Variants in SAMD3 observed in about 807,000 individuals in gnomAD.
The protein encoded by SAMD3 is sterile alpha motif domain containing 3.
In SAMD3, 63 loss-of-function variants were observed where a neutral mutation model predicts 58.5. The observed-to-expected ratio is 1.08, with a 90% CI of 0.88 to 1.33. The LOEUF (loss-of-function observed/expected upper bound fraction) is 1.33. Among genes scored for constraint, SAMD3 ranks in the 40% most tolerant of loss-of-function variants. The probability of loss-of-function intolerance (pLI) is 0.00; values close to 1 mark genes in which losing one functional copy is unlikely to be tolerated. For missense variants in SAMD3, 604 were observed against 608.4 expected (o/e 0.99, Z 0.08); for synonymous variants, 220 against 210.3 (o/e 1.05, Z -0.40).
chr6:130,201,484 CA>C (rs1794650165), intron 5 of SAMD3, among the ~76,000 whole-genome samples: 1 of 152,154 alleles, frequency 6.6e-6, no homozygotes, highest in Non-Finnish European at 1.5e-5. Context: ...TGTGTTTTAA[CA>C]AGATTCCTCA....
chr6:130,301,085 T>G (rs1037018473), intron 2 of SAMD3, among the ~76,000 whole-genome samples: 9 of 152,206 alleles, frequency 5.9e-5, no homozygotes, highest in African/African-American at 2.2e-4. Context: ...TTTTCTGTCC[T>G]TGTGATAATT....
At chr6:130,280,758 A>G (rs1303706820) in intron 2 of SAMD3, among the ~76,000 whole-genome samples, 1 of 152,210 alleles carries the variant, frequency 6.6e-6, no homozygotes, top group African/African-American at 2.4e-5. Flanking sequence ...GATAGTCTTT[A>G]TCTTCTTGCC....
intron 2 of SAMD3, among the ~76,000 whole-genome samples, chr6:130,238,413 T>C (rs1773239965): frequency 6.6e-6 from 1 of 152,180 alleles, no homozygotes; most frequent in African/African-American, 2.4e-5. Flanking sequence ...TTACTGACTT[T>C]TAGTTCTATC....
At chr6:130,317,645 C>A (rs1182010564) in intron 1 of SAMD3, among the ~76,000 whole-genome samples, 1 of 152,152 alleles carries the variant, frequency 6.6e-6, no homozygotes, top group Non-Finnish European at 1.5e-5. Context: ...TAAAAATGCA[C>A]TTTTAATTTC....
chr6:130,352,897 C>T (rs900221178), intron 1 of SAMD3, among the ~76,000 whole-genome samples: 1 of 152,082 alleles, frequency 6.6e-6, no homozygotes, highest in African/African-American at 2.4e-5. Flanking sequence ...TTTGGTTTTA[C>T]CTAATTAATA....
intron 2 of SAMD3, among the ~76,000 whole-genome samples, chr6:130,301,073 G>T (rs2114975067): frequency 6.6e-6 from 1 of 152,202 alleles, no homozygotes; most frequent in South Asian, 2.1e-4. Flanking sequence ...TGCGGCGTTT[G>T]GTTTTCTGTC....
intron 7 of SAMD3, among the ~76,000 whole-genome samples, chr6:130,181,148 T>C (rs977861746): frequency 3.9e-5 from 6 of 152,014 alleles, no homozygotes; most frequent in African/African-American, 1.4e-4. Flanking sequence ...AGTTTCACCA[T>C]GTTGGCCAGG....
At chr6:130,246,370 AC>A (rs1773546744) in intron 2 of SAMD3, among the ~76,000 whole-genome samples, 1 of 152,246 alleles carries the variant, frequency 6.6e-6, no homozygotes, top group African/African-American at 2.4e-5. Context: ...TGGAAGTGTA[AC>A]CACACAAAAG....
chr6:130,268,798 C>T (rs981047706), intron 2 of SAMD3, among the ~76,000 whole-genome samples: 2 of 152,082 alleles, frequency 1.3e-5, no homozygotes, highest in Admixed American at 6.6e-5. Context: ...ATGACAAAAC[C>T]ACCTAAAAAC....
intron 8 of SAMD3, among the ~76,000 whole-genome samples, chr6:130,157,286 A>G (rs1172407194): frequency 6.6e-6 from 1 of 151,984 alleles, no homozygotes; most frequent in Non-Finnish European, 1.5e-5. Flanking sequence ...ACTTTTGTCA[A>G]AATAAGAGAA....
chr6:130,247,080 A>G (rs1278049377), intron 2 of SAMD3, among the ~76,000 whole-genome samples: 2 of 152,208 alleles, frequency 1.3e-5, no homozygotes, highest in African/African-American at 4.8e-5. Context: ...TAGAGCAAGA[A>G]GTGAATAAAA....
At chr6:130,181,246 C>T (rs1792309587) in intron 7 of SAMD3, among the ~76,000 whole-genome samples, 1 of 152,242 alleles carries the variant, frequency 6.6e-6, no homozygotes, top group East Asian at 1.9e-4. Context: ...CGTACCCGGC[C>T]CCAAATTTTT....
intron 8 of SAMD3, among the ~76,000 whole-genome samples, chr6:130,163,393 AT>A (rs1790437015): frequency 6.6e-6 from 1 of 152,096 alleles, no homozygotes; most frequent in Non-Finnish European, 1.5e-5. Context: ...CTCATTTCCA[AT>A]TCTATTGTCG....
chr6:130,325,041 A>G (rs1289394808), intron 1 of SAMD3, among the ~76,000 whole-genome samples: 1 of 139,774 alleles, frequency 7.2e-6, no homozygotes, highest in African/African-American at 3.1e-5. Flanking sequence ...TGCACGTACA[A>G]TTCAGCTCTG....
intron 2 of SAMD3, among the ~76,000 whole-genome samples, chr6:130,273,106 G>A (rs149076852): frequency 6.7e-4 from 102 of 151,944 alleles, no homozygotes; most frequent in Non-Finnish European, 1.3e-3. Flanking sequence ...GCTCTGAGGT[G>A]ACATGAAGCT....
chr6:130,240,260 A>G (rs1234665490), intron 2 of SAMD3, among the ~76,000 whole-genome samples: 1 of 152,174 alleles, frequency 6.6e-6, no homozygotes, highest in African/African-American at 2.4e-5. Context: ...ATTCCTCTGG[A>G]GTCCCAAGGC....
intron 2 of SAMD3, among the ~76,000 whole-genome samples, chr6:130,296,122 G>A (rs531646832): frequency 3.9e-5 from 6 of 152,324 alleles, no homozygotes; most frequent in Non-Finnish European, 5.9e-5. Flanking sequence ...CATGTTGGTG[G>A]ATGAAAAGAG....
chr6:130,272,611 T>C (rs759572607), intron 2 of SAMD3, among the ~76,000 whole-genome samples: 3 of 152,228 alleles, frequency 2.0e-5, no homozygotes, highest in Non-Finnish European at 4.4e-5. Context: ...TAATTAAATA[T>C]TATTGTTCTT....
intron 2 of SAMD3, among the ~76,000 whole-genome samples, chr6:130,270,068 T>C (rs1353537172): frequency 2.0e-5 from 3 of 152,188 alleles, no homozygotes; most frequent in Non-Finnish European, 4.4e-5. Context: ...ATCATAATTA[T>C]AGAATTTTTA....
Sources: gnomAD v4.1 joint callset for allele counts (sites outside exome capture counted in the v4.1 genomes callset) on GRCh38, gnomAD v4.1.1 for gene constraint, MANE v1.5 for transcripts, NCBI Gene and HGNC (gene_info 2026-07-23, HGNC 2026-07-21) for gene names.